PID1: variants seen among roughly 807,000 people sequenced by gnomAD.
PID1 encodes the protein phosphotyrosine interaction domain containing 1.
A neutral mutation model predicts 19.1 loss-of-function variants in PID1; 10 were observed. That is an observed-to-expected ratio of 0.52 (90% CI 0.32 to 0.89). The LOEUF is 0.89. Ranked by LOEUF, PID1 falls within the 40% of genes least tolerant of loss-of-function variation. PID1 has a pLI of 0.03. For missense variants in PID1, 248 were observed against 285.3 expected (o/e 0.87, Z 0.94); for synonymous variants, 130 against 116.0 (o/e 1.12, Z -0.78).
intron 1 of PID1, among the ~76,000 whole-genome samples, chr2:229,204,403 T>C (rs1256407167): frequency 6.6e-6 from 1 of 152,140 alleles, no homozygotes; most frequent in African/African-American, 2.4e-5. Context: ...GTTAATAGTT[T>C]GAAACATGGT....
chr2:229,060,138 A>G (rs1053533934), intron 2 of PID1, among the ~76,000 whole-genome samples: 8 of 152,134 alleles, frequency 5.3e-5, no homozygotes, highest in Non-Finnish European at 8.8e-5. Context: ...AAAATATTTA[A>G]AGTCTACTTT....
chr2:229,029,688 A>C (rs1693504753), intron 2 of PID1, among the ~76,000 whole-genome samples: 1 of 151,958 alleles, frequency 6.6e-6, no homozygotes, highest in African/African-American at 2.4e-5. Flanking sequence ...AAAAATACAG[A>C]AATTAGCCAG....
At chr2:229,232,065 C>A in intron 1 of PID1, 1 of 1,532,034 alleles carries the variant, frequency 6.5e-7, no homozygotes, top group Non-Finnish European at 8.8e-7. Context: ...GGCACGAAGC[C>A]TCTTGTACAA....
intron 2 of PID1, among the ~76,000 whole-genome samples, chr2:229,076,141 G>A (rs892144868): frequency 3.3e-5 from 5 of 152,122 alleles, no homozygotes; most frequent in Admixed American, 6.6e-5. Context: ...GTTTCCTTGC[G>A]TAGGGCCCAG....
chr2:229,108,074 T>C (rs1695214272), intron 2 of PID1, among the ~76,000 whole-genome samples: 1 of 150,850 alleles, frequency 6.6e-6, no homozygotes. Flanking sequence ...GTACATGGTC[T>C]TGAAATTTAA....
At chr2:229,195,340 T>TAC (rs201104586) in intron 1 of PID1, among the ~76,000 whole-genome samples, 1 of 151,412 alleles carries the variant, frequency 6.6e-6, no homozygotes, top group African/African-American at 2.4e-5. Flanking sequence ...GAAGTATATA[T>TAC]ACACACACAC....
At chr2:229,028,396 G>A (rs1693471729) in intron 2 of PID1, among the ~76,000 whole-genome samples, 1 of 152,184 alleles carries the variant, frequency 6.6e-6, no homozygotes, top group African/African-American at 2.4e-5. Flanking sequence ...CACTCATGTG[G>A]ACAATCTGTG....
chr2:229,163,680 T>TGTGTGTGTGTGTGTGCGCGC (rs1365270238), intron 1 of PID1, among the ~76,000 whole-genome samples: 18 of 103,810 alleles, frequency 1.7e-4, no homozygotes, highest in Admixed American at 7.0e-4. Flanking sequence ...TGTGTGCGTG[T>TGTGTGTGTGTGTGTGCGCGC]GCGTGTGTGT....
At chr2:229,052,542 A>G (rs965903099) in intron 2 of PID1, among the ~76,000 whole-genome samples, 3 of 120,972 alleles carry the variant, frequency 2.5e-5, no homozygotes, top group African/African-American at 1.1e-4. Context: ...GACTTGGCTT[A>G]GAGAGCTTTT....
intron 2 of PID1, among the ~76,000 whole-genome samples, chr2:229,152,144 T>G (rs1210275499): frequency 2.0e-5 from 3 of 152,176 alleles, no homozygotes; most frequent in Non-Finnish European, 4.4e-5. Context: ...TCACTCAGGT[T>G]GCTCTTGTCA....
At chr2:229,229,840 C>T (rs1574741536) in intron 1 of PID1, among the ~76,000 whole-genome samples, 2 of 152,186 alleles carry the variant, frequency 1.3e-5, no homozygotes, top group Non-Finnish European at 2.9e-5. Context: ...AGTAAGAAGT[C>T]CTCTTTGCTT....
At position 229,139,130 on chromosome 2, in the gene PID1, AAAGAAAGAAAGAAAGAAAGC is replaced by A. The variant is rs1559251902; in HGVS notation, c.177+16668_177+16687del. ...AAGAAAGAAAGAGAAAGAAAGAAAGAAAGAAAGAAAGAAAGAAAGCAAGCGAGCGAGCAAGCGAGCTTCCC... is the reference window on the plus strand; with the variant it reads ...AAGAAAGAAAGAGAAAGAAAGAAAGAAAGCGAGCGAGCAAGCGAGCTTCCC... On this transcript the variant is annotated intron_variant, in intron 2 of 2. Coordinates refer to ENST00000392055, the MANE Select transcript of PID1 (RefSeq NM_001100818.2). Among the ~76,000 whole-genome samples, 8 of 118,092 alleles carry A rather than the reference AAAGAAAGAAAGAAAGAAAGC, an allele frequency of 6.8e-5. 1 individual carries two copies. Among genetic ancestry groups the A allele is most frequent in the African/African-American group, 2.6e-4 (8 of 31,068 alleles). The allele number at this position is 118,092 out of a possible 152,430, so 77.5% of individuals were successfully genotyped here. A position where few individuals can be genotyped will look rare whatever the true frequency, so the allele number is the denominator to read the frequency against.
chr2:229,042,315 C>T (rs917113398), intron 2 of PID1, among the ~76,000 whole-genome samples: 1 of 151,992 alleles, frequency 6.6e-6, no homozygotes, highest in African/African-American at 2.4e-5. Flanking sequence ...AAAATTATTT[C>T]ATAATAAAAA....
At chr2:229,156,127 A>G (rs1690369217) in intron 1 of PID1, among the ~76,000 whole-genome samples, 163 bp from the exon 2 acceptor site, 1 of 152,258 alleles carries the variant, frequency 6.6e-6, no homozygotes, top group Non-Finnish European at 1.5e-5. Context: ...GTGTCCTGTC[A>G]GGACGTCACT....
chr2:229,243,084 A>G (rs756258751), intron 1 of PID1, among the ~76,000 whole-genome samples: 68 of 152,268 alleles, frequency 4.5e-4, no homozygotes, highest in Non-Finnish European at 6.2e-4. Context: ...ACAGTTCCAC[A>G]TGGCTGGGGA....
intron 2 of PID1, among the ~76,000 whole-genome samples, chr2:229,034,360 T>C (rs1361028075): frequency 6.6e-6 from 1 of 152,316 alleles, no homozygotes; most frequent in East Asian, 1.9e-4. Context: ...ATCCTCATAA[T>C]AATTCCATAA....
chr2:229,056,767 C>A (rs1694111326), intron 2 of PID1, among the ~76,000 whole-genome samples: 1 of 151,980 alleles, frequency 6.6e-6, no homozygotes, highest in Admixed American at 6.6e-5. Flanking sequence ...AAGGGCATTG[C>A]CAGTATGATT....
Position 229,025,945 on chromosome 2 carries a change from T to G in PID1, c.341A>C (p.His114Pro). 1 of 1,614,152 alleles carries G rather than the reference T, an allele frequency of 6.2e-7. No homozygotes were observed. The highest frequency in any genetic ancestry group is 8.5e-7 in the Non-Finnish European group (1 of 1,180,014). Residue 114 changes from histidine (H) to proline (P), a missense_variant, in exon 3 of 3, where the codon CAT (histidine) becomes CCT (proline). His to Pro is a moderately conservative substitution (Grantham distance 77). Coordinates refer to ENST00000392055, the MANE Select transcript of PID1 (RefSeq NM_001100818.2). ...TGTGGCCTCCCCTTTGTGGTCGAGATGATGGAGCCAAACTTGGAATGGCCG... is the reference window on the plus strand; with the variant it reads ...TGTGGCCTCCCCTTTGTGGTCGAGAGGATGGAGCCAAACTTGGAATGGCCG... ...EIRPFQVWLHHLDHKGEATVH... is the reference protein window; with the variant it reads ...EIRPFQVWLHPLDHKGEATVH...
intron 1 of PID1, among the ~76,000 whole-genome samples, chr2:229,210,588 T>A (rs1460500375): frequency 7.3e-6 from 1 of 136,204 alleles, no homozygotes; most frequent in Non-Finnish European, 1.6e-5. Context: ...AGACTTCAAG[T>A]CACTTTTCTC....
Sources: allele counts gnomAD v4.1 joint callset (sites outside exome capture counted in the v4.1 genomes callset), GRCh38; gene constraint gnomAD v4.1.1; transcripts MANE v1.5; gene names NCBI Gene and HGNC (gene_info 2026-07-23, HGNC 2026-07-21).